The following MAN2C1 variants were observed in gnomAD, a reference collection of about 807,000 sequenced individuals.
MAN2C1 encodes alpha-mannosidase 2C1.
Under a neutral mutation model 126.9 loss-of-function variants are expected in MAN2C1, and 111 were observed. The observed-to-expected ratio is 0.87, with a 90% confidence interval of 0.75 to 1.02. The LOEUF (loss-of-function observed/expected upper bound fraction) is 1.02, where lower values mean the gene tolerates loss of function less well. MAN2C1 is among the 50% of genes least tolerant of loss of function. The pLI is 0.00. For missense variants in MAN2C1, 1,363 were observed against 1,364.4 expected (o/e 1.00, Z 0.02); for synonymous variants, 567 against 561.5 (o/e 1.01, Z -0.14).
At chr15:75,366,461 C>T in intron 4 of MAN2C1, 61 bp downstream of exon 4, 1 of 1,458,972 alleles carries the variant, frequency 6.9e-7, no homozygotes, top group Non-Finnish European at 9.6e-7. Context: ...GCCTCAGCTC[C>T]TCCTTGCTCA....
chr15:75,368,365 G>GCCCGCGGCGGGCACTTTGT (rs2072633205), intron 1 of MAN2C1, 118 bp downstream of exon 1: 2 of 1,384,692 alleles, frequency 1.4e-6, no homozygotes, highest in Admixed American at 2.2e-5. Context: ...CCCCTGCCCT[G>GCCCGCGGCGGGCACTTTGT]CCCGCGGCGG....
Position 75,366,519 on chromosome 15 carries a change from C to G in MAN2C1, c.422+3G>C, listed in dbSNP as rs770327213. 5.0e-6 allele frequency: 8 copies of G among 1,613,120 alleles called. No individual in the cohort carries two copies. In the South Asian group the frequency reaches 8.8e-5, roughly 18 times the overall value. On this transcript the variant is annotated splice_donor_region_variant and intron_variant, in intron 4 of 25. Transcript: ENST00000267978. ...ACTGGTCAACCAGGGCACAGGGACTCACCTTCGGGGGTCTCTTTCCCCCAG... is the reference window on the plus strand; with the variant it reads ...ACTGGTCAACCAGGGCACAGGGACTGACCTTCGGGGGTCTCTTTCCCCCAG...
In MAN2C1 at chr15:75,356,343, A is replaced by C; in HGVS notation, c.2844T>G (p.Phe948Leu). 1 of 1,612,654 alleles carries C rather than the reference A, an allele frequency of 6.2e-7. No individual in the cohort carries two copies. The stretch of plus-strand genomic sequence containing the variant: ...ATACGACCGCGGGTGAAGACACGGA[A>C]AACGCACTCCAGGAGGTGGCGGGCG... The part of the protein sequence containing the change: ...SPAPATSWSA[F>L]SVSSPAVVLE... Residue 948 changes from phenylalanine to leucine, a missense_variant, in exon 24 of 26, where the codon TTT becomes TTG. Physicochemically the swap from Phe to Leu is conservative, Grantham distance 22. This residue lies in a region of MAN2C1 where 668 missense variants were observed against 650.1 expected (regional missense o/e 1.03). Coordinates refer to ENST00000267978, the MANE Select transcript of MAN2C1 (RefSeq NM_006715.4). This position sits in a 1 kb window ranked among gnomAD's most constrained non-coding sequence, Gnocchi z 5.8.
At position 75,359,151 on chromosome 15, in the gene MAN2C1, A is replaced by G; in HGVS notation, c.2049T>C (p.Thr683=). The G allele has an allele frequency of 6.2e-7, 1 of 1,613,970 alleles. No homozygotes were observed. Among genetic ancestry groups the G allele is most frequent in the Non-Finnish European group, 8.5e-7 (1 of 1,180,032 alleles). ...PQQPVFVVQE[T]DGSVTLDNGI... ...CATTGTCCAGAGTCACGGAGCCATC[A>G]GTCTTTGTGGGAGGAGGCCTTGAGG... is the stretch of plus-strand genomic sequence containing the variant. The change falls in exon 18 of 26, where the codon ACT becomes ACC. Residue 683 remains threonine, a splice_region_variant and synonymous_variant. Coordinates refer to ENST00000267978, the MANE Select transcript of MAN2C1 (RefSeq NM_006715.4).
At chr15:75,359,823 G>C in intron 15 of MAN2C1, 48 bp from the exon 16 acceptor site, 2 of 1,613,098 alleles carry the variant, frequency 1.2e-6, no homozygotes, top group Non-Finnish European at 1.7e-6. Flanking sequence ...TCTGGAATGT[G>C]CCCATGGGTA....
chr15:75,357,608 A>G (rs2072359278), intron 21 of MAN2C1: 1 of 146,610 alleles, frequency 6.8e-6, no homozygotes, highest in Admixed American at 6.8e-5. Context: ...GCGCCTGGCC[A>G]ATTTTTGTAT....
Position 75,356,351 on chromosome 15 carries a change from T to C in MAN2C1, c.2836A>G (p.Ser946Gly), listed in dbSNP as rs1209960206. 6.2e-6 allele frequency: 10 copies of C among 1,612,260 alleles called. No individual in the cohort carries two copies. Among genetic ancestry groups the C allele is most frequent in the Non-Finnish European group, 7.6e-6 (9 of 1,179,486 alleles). The change falls in exon 24 of 26, where the codon AGT becomes GGT. Residue 946 changes from serine (S) to glycine (G), a missense_variant. By Grantham distance (56) the Ser-to-Gly change is moderately conservative. Around this residue, in one of 3 missense-constraint regions of MAN2C1, gnomAD observed 668 missense variants for 650.1 expected, o/e 1.03. Coordinates refer to ENST00000267978, the MANE Select transcript of MAN2C1 (RefSeq NM_006715.4). The surrounding 1 kb of genome is among the most constrained non-coding windows in gnomAD (Gnocchi z 5.8). ...APSPAPATSW[S>G]AFSVSSPAVV... ...GCGGGTGAAGACACGGAAAACGCACTCCAGGAGGTGGCGGGCGCTGGGCTG... is the reference window on the plus strand; with the variant it reads ...GCGGGTGAAGACACGGAAAACGCACCCCAGGAGGTGGCGGGCGCTGGGCTG...
Position 75,356,552 on chromosome 15 carries a change from AG to A in MAN2C1, c.2737+53del. The A allele has an allele frequency of 6.5e-7, 1 of 1,548,096 alleles. No homozygotes were observed. Among genetic ancestry groups the A allele is most frequent in the Non-Finnish European group, 8.7e-7 (1 of 1,144,262 alleles). On this transcript the variant is annotated intron_variant, in intron 23 of 25. Transcript: ENST00000267978. The surrounding 1 kb of genome is among the most constrained non-coding windows in gnomAD (Gnocchi z 5.8). The stretch of plus-strand genomic sequence containing the variant: ...GGTTGCTGGGGTTTGGGCTCAGGGA[AG>A]GGCAGAGAGGTGTCTAGGGCTGCAG...
intron 12 of MAN2C1, 129 bp downstream of exon 12, chr15:75,360,917 G>A (rs147680610): frequency 4.9e-4 from 642 of 1,309,888 alleles, no homozygotes; most frequent in Non-Finnish European, 4.6e-4. Flanking sequence ...GAAGTTTGGA[G>A]GAACCCGTGG....
rs1458169543 is a variant in MAN2C1 at position 75,359,624 on chromosome 15, G to A, written c.1944C>T (p.Ser648=). The change falls in exon 16 of 26, where the codon AGC becomes AGT. Residue 648 remains serine (S), a synonymous_variant. Coordinates refer to ENST00000267978, the MANE Select transcript of MAN2C1 (RefSeq NM_006715.4). ...MALPKPGGAH[S]LALVTVPSMG... ...ACCCTTCCCCTCAGCTCGTACCTAG[G>A]CTGTGGGCCCCGCCCGGTTTGGGCA... 8 of 1,613,838 alleles carry A rather than the reference G, an allele frequency of 5.0e-6. No individual in the cohort carries two copies. The highest frequency in any genetic ancestry group is 2.7e-5 in the African/African-American group (2 of 74,944).
At chr15:75,367,119 G>A (rs1483666165) in intron 3 of MAN2C1, among the ~76,000 whole-genome samples, 1 of 152,052 alleles carries the variant, frequency 6.6e-6, no homozygotes, top group Non-Finnish European at 1.5e-5. Flanking sequence ...GTGAACCTGA[G>A]TGAGTCAACT....
intron 6 of MAN2C1, chr15:75,363,050 AG>A: frequency 2.4e-6 from 1 of 412,674 alleles, no homozygotes; most frequent in Non-Finnish European, 4.6e-6. Context: ...TACGAGAAGT[AG>A]CAGGGACTAC....
At position 75,362,409 on chromosome 15, in the gene MAN2C1, G is replaced by A. The variant is rs762587340; in HGVS notation, c.942C>T (p.Tyr314=). 1 of 1,613,860 alleles carries A rather than the reference G, an allele frequency of 6.2e-7. No individual in the cohort carries two copies. The highest frequency in any genetic ancestry group is 1.7e-5 in the Admixed American group (1 of 60,022). Residue 314 remains tyrosine (Y), a synonymous_variant, in exon 8 of 26, where the codon TAC becomes TAT. Coordinates refer to ENST00000267978, the MANE Select transcript of MAN2C1 (RefSeq NM_006715.4). This position sits in a 1 kb window ranked among gnomAD's most constrained non-coding sequence, Gnocchi z 4.5. The stretch of plus-strand genomic sequence containing the variant: ...GGCACGCAAACTCCTGGATGCGGGA[G>A]TACAGGCCAGGGTAGCGGCTCTTCA... ...EWVKSRYPGL[Y]SRIQEFACRG... is the part of the protein sequence containing the mutation.
At chr15:75,359,524 G>T in intron 16 of MAN2C1, 96 bp downstream of exon 16, 1 of 1,569,170 alleles carries the variant, frequency 6.4e-7, no homozygotes. Context: ...CTACTCTCCA[G>T]TCAGGGGCAC....
chr15:75,355,828 G>A lies in MAN2C1; in HGVS notation c.*78C>T, dbSNP rs1595872141. Reference sequence around the variant, plus strand: ...AGGATTTATTCCACAAGAAAAGACTGATCCCTGCTTTAGGCTGGGGAAGCA... The same window carrying A: ...AGGATTTATTCCACAAGAAAAGACTAATCCCTGCTTTAGGCTGGGGAAGCA... On this transcript the variant is annotated 3_prime_UTR_variant, in exon 26 of 26. Coordinates refer to ENST00000267978, the MANE Select transcript of MAN2C1 (RefSeq NM_006715.4). The A allele has an allele frequency of 1.2e-5, 19 of 1,547,346 alleles. No individual in the cohort carries two copies. In the East Asian group the frequency reaches 4.1e-4, roughly 33 times the overall value.
chr15:75,361,744 G>GCTCTGGTTCC lies in MAN2C1; in HGVS notation c.1102-25_1102-24insGGAACCAGAG. ...AACTGTGGAGAAAGAGGATCCTGGA[G>GCTCTGGTTCC]TGCAGGAACCAGAGCTCCAGGCGGA... On this transcript the variant is annotated intron_variant, in intron 9 of 25. Coordinates refer to ENST00000267978, the MANE Select transcript of MAN2C1 (RefSeq NM_006715.4). The surrounding 1 kb of genome is among the most constrained non-coding windows in gnomAD (Gnocchi z 5.0). 6.2e-7 allele frequency: 1 copy of GCTCTGGTTCC among 1,603,446 alleles called. No homozygotes were observed. Among genetic ancestry groups the GCTCTGGTTCC allele is most frequent in the Non-Finnish European group, 8.5e-7 (1 of 1,170,364 alleles).
chr15:75,361,596 C>CT lies in MAN2C1; in HGVS notation c.1218+7dup. On this transcript the variant is annotated splice_region_variant and intron_variant, in intron 10 of 25. Transcript: ENST00000267978. The surrounding 1 kb of genome is among the most constrained non-coding windows in gnomAD (Gnocchi z 5.0). Reference sequence around the variant, plus strand: ...ACTCTGACCCTGACCCCCCGGGGGCCTGCTTACTGGGAAGGAGTTCACCAA... The same window carrying CT: ...ACTCTGACCCTGACCCCCCGGGGGCCTTGCTTACTGGGAAGGAGTTCACCAA... 6.2e-7 allele frequency: 1 copy of CT among 1,610,178 alleles called. No homozygotes were observed. Among genetic ancestry groups the CT allele is most frequent in the Non-Finnish European group, 8.5e-7 (1 of 1,176,610 alleles).
Position 75,356,357 on chromosome 15 carries a change from A to T in MAN2C1, c.2830T>A (p.Ser944Thr), listed in dbSNP as rs761349686. ...GAAGACACGGAAAACGCACTCCAGGAGGTGGCGGGCGCTGGGCTGGGGGCT... is the reference window on the plus strand; with the variant it reads ...GAAGACACGGAAAACGCACTCCAGGTGGTGGCGGGCGCTGGGCTGGGGGCT... ...LPAPSPAPAT[S>T]WSAFSVSSPA... is the part of the protein sequence containing the mutation. Residue 944 changes from serine to threonine, a missense_variant, in exon 24 of 26, where the codon TCC becomes ACC. Physicochemically the swap from Ser to Thr is moderately conservative, Grantham distance 58 (BLOSUM62 1). This residue lies in a region of MAN2C1 where 668 missense variants were observed against 650.1 expected (regional missense o/e 1.03). Transcript: ENST00000267978. This position sits in a 1 kb window ranked among gnomAD's most constrained non-coding sequence, Gnocchi z 5.8. 6.2e-6 allele frequency: 10 copies of T among 1,612,062 alleles called. No homozygotes were observed. The highest frequency in any genetic ancestry group is 8.5e-6 in the Non-Finnish European group (10 of 1,179,406).
At position 75,358,225 on chromosome 15, in the gene MAN2C1, G is replaced by T. The variant is rs780436300; in HGVS notation, c.2523C>A (p.Thr841=). 1 of 1,614,206 alleles carries T rather than the reference G, an allele frequency of 6.2e-7. No individual in the cohort carries two copies. The highest frequency in any genetic ancestry group is 1.1e-5 in the South Asian group (1 of 91,086). Residue 841 remains threonine (T), a synonymous_variant, in exon 21 of 26, where the codon ACC becomes ACA. Coordinates refer to ENST00000267978, the MANE Select transcript of MAN2C1 (RefSeq NM_006715.4). ...GHLQRPTHYN[T]SWDWARFEVW... is the part of the protein sequence containing the mutation. Reference sequence around the variant, plus strand: ...CCTCAAATCGAGCCCAGTCCCAAGAGGTATTGTAGTGGGTAGGTCGCTGCA... The same window carrying T: ...CCTCAAATCGAGCCCAGTCCCAAGATGTATTGTAGTGGGTAGGTCGCTGCA...
Sources: gnomAD v4.1 joint callset for allele counts (sites outside exome capture counted in the v4.1 genomes callset) on GRCh38, gnomAD v4.1.1 for gene constraint, gnomAD v4.1.1 regional missense constraint, Gnocchi (gnomAD v3.1) non-coding constraint, MANE v1.5 for transcripts, NCBI Gene and HGNC (gene_info 2026-07-23, HGNC 2026-07-21) for gene names.